CDH12: variants seen among roughly 807,000 people sequenced by gnomAD.
CDH12 encodes cadherin 12.
In CDH12, 41 loss-of-function variants were observed where a neutral mutation model predicts 74.1. The observed-to-expected ratio is 0.55, with a 90% confidence interval of 0.43 to 0.72. The LOEUF is 0.72. Among genes scored for constraint, CDH12 ranks in the 30% least tolerant of loss-of-function variants. CDH12 has a pLI of 0.00. For synonymous variants in CDH12, 399 were observed against 355.0 expected, an observed-to-expected ratio of 1.12 and a Z score of -1.39; for missense variants, 945 against 977.2, an observed-to-expected ratio of 0.97 and a Z score of 0.44.
intron 6 of CDH12, among the ~76,000 whole-genome samples, chr5:21,882,352 T>G (rs942673659): frequency 6.6e-6 from 1 of 152,236 alleles, no homozygotes; most frequent in African/African-American, 2.4e-5. Flanking sequence ...AGACGTATTT[T>G]TATTACTTTA....
At chr5:22,053,661 C>T (rs1740543122) in intron 5 of CDH12, among the ~76,000 whole-genome samples, 1 of 152,044 alleles carries the variant, frequency 6.6e-6, no homozygotes, top group South Asian at 2.1e-4. Context: ...TAGTACTTCC[C>T]TCTAGGGGGT....
At chr5:22,736,864 T>C (rs761598831) in intron 1 of CDH12, among the ~76,000 whole-genome samples, 2 of 151,954 alleles carry the variant, frequency 1.3e-5, no homozygotes, top group Non-Finnish European at 2.9e-5. Context: ...GGGAATGTAG[T>C]CTGTGTGCAT....
chr5:21,754,344 G>C (rs1189615094), intron 14 of CDH12, among the ~76,000 whole-genome samples: 1 of 152,124 alleles, frequency 6.6e-6, no homozygotes, highest in African/African-American at 2.4e-5. Context: ...GAGAAGAGAG[G>C]CATATGAGAG....
intron 6 of CDH12, among the ~76,000 whole-genome samples, chr5:21,960,260 A>T (rs1233935803): frequency 1.3e-5 from 2 of 152,194 alleles, no homozygotes; most frequent in African/African-American, 4.8e-5. Flanking sequence ...CACATGGCAC[A>T]TGCTCTAAAA....
At position 22,659,961 on chromosome 5, in the gene CDH12, A is replaced by C. The variant is rs116034809; in HGVS notation, c.-522-154597T>G. Among the ~76,000 whole-genome samples the C allele has an allele frequency of 7.8e-3, 1,183 of 152,252 alleles. 11 individuals carry two copies. The highest frequency in any genetic ancestry group is 0.024 in the African/African-American group (1,016 of 41,566). ...AAAATCAATATTGAAATTTTATCAT[A>C]TGTTCAATCATGTTCTTATAATACT... On this transcript the variant is annotated intron_variant, in intron 1 of 14. Transcript: ENST00000382254.
intron 5 of CDH12, among the ~76,000 whole-genome samples, chr5:21,991,880 A>G (rs1757770453): frequency 6.6e-6 from 1 of 152,040 alleles, no homozygotes; most frequent in Non-Finnish European, 1.5e-5. Flanking sequence ...ACTGCTAAGA[A>G]TTAATATCTC....
At chr5:21,826,900 A>T (rs1477644391) in intron 8 of CDH12, among the ~76,000 whole-genome samples, 1 of 152,138 alleles carries the variant, frequency 6.6e-6, no homozygotes, top group African/African-American at 2.4e-5. Context: ...ATATTTTAGA[A>T]CTATATTGGG....
chr5:21,920,529 G>C (rs1014985984), intron 6 of CDH12, among the ~76,000 whole-genome samples: 1 of 151,974 alleles, frequency 6.6e-6, no homozygotes, highest in South Asian at 2.1e-4. Flanking sequence ...GGCCTGTCAG[G>C]GTGTGGGGGC....
chr5:21,849,702 A>G (rs1008759232), intron 7 of CDH12, among the ~76,000 whole-genome samples: 1 of 151,770 alleles, frequency 6.6e-6, no homozygotes, highest in Non-Finnish European at 1.5e-5. Flanking sequence ...TTATTTCACC[A>G]GTACCAACTG....
chr5:22,263,024 G>A (rs1008508210), intron 3 of CDH12, among the ~76,000 whole-genome samples: 62 of 151,686 alleles, frequency 4.1e-4, no homozygotes, highest in South Asian at 1.5e-3. Flanking sequence ...AAAAGTGGGC[G>A]AAGGACATGA....
At chr5:22,287,581 G>A (rs549207352) in intron 3 of CDH12, among the ~76,000 whole-genome samples, 6 of 151,842 alleles carry the variant, frequency 4.0e-5, no homozygotes, top group South Asian at 2.1e-4. Flanking sequence ...AAAATTAGCC[G>A]GCGCGGTGGC....
chr5:22,465,982 T>A (rs927788688), intron 2 of CDH12, among the ~76,000 whole-genome samples: 5 of 152,198 alleles, frequency 3.3e-5, no homozygotes, highest in East Asian at 3.9e-4. Context: ...ATCACCAGCA[T>A]CATAAGATTA....
chr5:22,246,258 AT>A (rs1752940294), intron 3 of CDH12, among the ~76,000 whole-genome samples: 1 of 152,144 alleles, frequency 6.6e-6, no homozygotes, highest in African/African-American at 2.4e-5. Context: ...GAGAAAACAC[AT>A]TTATCAGGAA....
chr5:22,750,690 G>T (rs549340518), intron 1 of CDH12, among the ~76,000 whole-genome samples: 1 of 152,210 alleles, frequency 6.6e-6, no homozygotes, highest in East Asian at 1.9e-4. Context: ...GGATACTGAT[G>T]ACACAGTTAA....
intron 5 of CDH12, among the ~76,000 whole-genome samples, chr5:21,984,678 G>A (rs1266475038): frequency 6.6e-6 from 1 of 152,140 alleles, no homozygotes; most frequent in Non-Finnish European, 1.5e-5. Context: ...GATGCTTTCC[G>A]AAGAGGAGTT....
intron 3 of CDH12, among the ~76,000 whole-genome samples, chr5:22,366,495 G>A (rs530651008): frequency 6.6e-6 from 1 of 152,142 alleles, no homozygotes; most frequent in South Asian, 2.1e-4. Flanking sequence ...ACTGTGAAAG[G>A]TCCTTCTGGA....
chr5:22,048,729 G>T (rs1740138850), intron 5 of CDH12, among the ~76,000 whole-genome samples: 1 of 152,062 alleles, frequency 6.6e-6, no homozygotes, highest in Non-Finnish European at 1.5e-5. Context: ...CATATGCAAA[G>T]AACATGGCAA....
At chr5:22,366,170 G>T (rs780358129) in intron 3 of CDH12, among the ~76,000 whole-genome samples, 24 of 152,064 alleles carry the variant, frequency 1.6e-4, no homozygotes, top group Non-Finnish European at 3.2e-4. Flanking sequence ...TGTTGACCAG[G>T]CTGGTGTTGA....
chr5:22,158,990 T>C (rs1748177980), intron 4 of CDH12, among the ~76,000 whole-genome samples: 2 of 152,144 alleles, frequency 1.3e-5, no homozygotes, highest in African/African-American at 2.4e-5. Context: ...ACTTAAAAAT[T>C]TGAGCACAGT....
Sources: allele counts gnomAD v4.1 joint callset (sites outside exome capture counted in the v4.1 genomes callset), GRCh38; gene constraint gnomAD v4.1.1; transcripts MANE v1.5; gene names NCBI Gene and HGNC (gene_info 2026-07-23, HGNC 2026-07-21).